PLEC: variants seen among roughly 807,000 people sequenced by gnomAD.
The protein encoded by PLEC is plectin, also known as hemidesmosomal protein 1.
Under a neutral mutation model 392.8 loss-of-function variants are expected in PLEC, and 216 were observed. The ratio of observed to expected loss-of-function variants is 0.55; its 90% CI spans 0.49 to 0.62. The LOEUF (loss-of-function observed/expected upper bound fraction) is 0.62. Among genes scored for constraint, PLEC ranks in the 20% least tolerant of loss-of-function variants. The pLI is 0.00. For missense variants in PLEC, 6,863 were observed against 6,563.4 expected, an observed-to-expected ratio of 1.05 and a Z score of -1.58; for synonymous variants, 3,621 against 2,980.6, an observed-to-expected ratio of 1.21 and a Z score of -7.00.
At chr8:143,930,921 TC>T (rs1273644640) in intron 19 of PLEC, among the ~76,000 whole-genome samples, 1 of 151,692 alleles carries the variant, frequency 6.6e-6, no homozygotes, top group Admixed American at 6.6e-5. Flanking sequence ...CTGCCGGCTC[TC>T]CCCCCGGCCC....
At chr8:143,942,275 G>T (rs913502542), upstream of PLEC, 2 of 1,221,334 alleles carry the variant, frequency 1.6e-6, no homozygotes, top group Non-Finnish European at 2.3e-6. Context: ...AGGCTGCACC[G>T]GGCCAAGGCG....
At chr8:143,944,995 A>G (rs1160227119) in intron 1 of PLEC, among the ~76,000 whole-genome samples, 1 of 145,966 alleles carries the variant, frequency 6.9e-6, no homozygotes, top group Non-Finnish European at 1.5e-5. Flanking sequence ...GGGGGTTCTA[A>G]TATAATAGAG....
chr8:143,917,923 G>C lies in PLEC; in HGVS notation c.11898C>G (p.Leu3966=). ...GIIRPGTAFE[L]LEAQAATGYV... is the part of the protein sequence containing the mutation. Reference sequence around the variant, plus strand: ...AACCGGTGGCCGCCTGCGCCTCCAGGAGCTCAAAGGCTGTGCCGGGGCGGA... The same window carrying C: ...AACCGGTGGCCGCCTGCGCCTCCAGCAGCTCAAAGGCTGTGCCGGGGCGGA... The change falls in exon 32 of 32, where the codon CTC becomes CTG. Residue 3966 remains leucine (L), a synonymous_variant. Transcript: ENST00000345136. 6.2e-7 allele frequency: 1 copy of C among 1,612,990 alleles called. No homozygotes were observed. The highest frequency in any genetic ancestry group is 8.5e-7 in the Non-Finnish European group (1 of 1,179,956).
chr8:143,933,500 C>T (rs936533142), intron 12 of PLEC, 149 bp from the exon 13 acceptor site: 4 of 943,184 alleles, frequency 4.2e-6, no homozygotes, highest in Non-Finnish European at 1.7e-6. Flanking sequence ...CCCTGCCCAC[C>T]TCACACATCT....
upstream of PLEC, among the ~76,000 whole-genome samples, chr8:143,952,874 T>C (rs1430228301): frequency 6.7e-6 from 1 of 148,474 alleles, no homozygotes; most frequent in Non-Finnish European, 1.5e-5. Context: ...GGGAGTCCCC[T>C]CCCTCCCACC....
At chr8:143,937,663 C>T (rs1346394140) in intron 3 of PLEC, 4 of 490,928 alleles carry the variant, frequency 8.1e-6, no homozygotes, top group South Asian at 1.5e-5. Flanking sequence ...AGGGGTTGGC[C>T]GACGGGCCAC....
upstream of PLEC, among the ~76,000 whole-genome samples, chr8:143,942,924 G>A (rs1453162870): frequency 6.6e-6 from 1 of 152,234 alleles, no homozygotes; most frequent in Non-Finnish European, 1.5e-5. Context: ...AGGGAGTAGA[G>A]GCATCCTGTG....
intron 3 of PLEC, among the ~76,000 whole-genome samples, 179 bp downstream of exon 3, chr8:143,937,972 A>C (rs1183540212): frequency 1.3e-5 from 2 of 152,150 alleles, no homozygotes; most frequent in Non-Finnish European, 2.9e-5. Flanking sequence ...TGTGATGCCC[A>C]GCAGCCTGGG....
chr8:143,960,670 TA>T (rs1268804061), intron 1 of PLEC, among the ~76,000 whole-genome samples: 1 of 152,010 alleles, frequency 6.6e-6, no homozygotes, highest in African/African-American at 2.4e-5. Context: ...CACTAAACTT[TA>T]AAAATCAAAA....
chr8:143,935,811 C>T (rs1828894735), intron 6 of PLEC, 37 bp downstream of exon 6: 1 of 1,607,906 alleles, frequency 6.2e-7, no homozygotes, highest in Admixed American at 1.7e-5. Context: ...GTGGGGGTGC[C>T]CCCAGCCCAC....
upstream of PLEC, chr8:143,943,935 A>G: frequency 6.3e-7 from 1 of 1,595,790 alleles, no homozygotes; most frequent in Non-Finnish European, 8.5e-7. Flanking sequence ...TGCGCTGGGA[A>G]CCGGCTGCTC....
intron 19 of PLEC, among the ~76,000 whole-genome samples, chr8:143,931,320 C>T (rs2131835412): frequency 9.2e-6 from 1 of 108,276 alleles, no homozygotes; most frequent in South Asian, 3.0e-4. Flanking sequence ...CTCCCAACTC[C>T]TGCTGGCCCC....
upstream of PLEC, among the ~76,000 whole-genome samples, chr8:143,974,397 C>G (rs969675523): frequency 6.6e-6 from 1 of 152,242 alleles, no homozygotes; most frequent in African/African-American, 2.4e-5. The surrounding 1 kb of genome is among the most constrained non-coding windows in gnomAD (Gnocchi z 5.9). Flanking sequence ...CTTTAAAGTC[C>G]GTGTGTGCTG....
chr8:143,966,322 G>A (rs1833088509), intron 1 of PLEC, among the ~76,000 whole-genome samples: 1 of 152,236 alleles, frequency 6.6e-6, no homozygotes, highest in Non-Finnish European at 1.5e-5. Context: ...GCCTGCCCTA[G>A]TGATGGCCTC....
At chr8:143,960,759 C>T (rs1554740632) in intron 1 of PLEC, among the ~76,000 whole-genome samples, 3 of 152,242 alleles carry the variant, frequency 2.0e-5, no homozygotes, top group Non-Finnish European at 4.4e-5. Flanking sequence ...TCCCTTCTCC[C>T]TGTCTCCCCC....
chr8:143,976,639 CG>C (rs1833674448), upstream of PLEC: 1 of 152,388 alleles, frequency 6.6e-6, no homozygotes, highest in South Asian at 2.1e-4. Flanking sequence ...GACCGCCCCC[CG>C]ACCCCCACCC....
At chr8:143,943,721 GAGGC>G (rs1830926654), upstream of PLEC, 27 of 1,504,714 alleles carry the variant, frequency 1.8e-5, no homozygotes, top group Non-Finnish European at 2.5e-5. Flanking sequence ...GAAGGGGCGG[GAGGC>G]AGGCGGCCCC....
intron 1 of PLEC, among the ~76,000 whole-genome samples, chr8:143,959,389 A>G (rs1832757073): frequency 6.6e-6 from 1 of 152,256 alleles, no homozygotes; most frequent in African/African-American, 2.4e-5. Context: ...GAATAAGATA[A>G]CTGACGATCG....
chr8:143,917,408 T>A lies in PLEC; in HGVS notation c.12413A>T (p.Lys4138Met). 4 of 1,612,688 alleles carry A rather than the reference T, an allele frequency of 2.5e-6. No homozygotes were observed. The highest frequency in any genetic ancestry group is 3.4e-6 in the Non-Finnish European group (4 of 1,179,994). ...RKTSSKSSVR[K>M]RRVVIVDPET... Reference sequence around the variant, plus strand: ...GGGGTCCACGATGACCACTCGGCGCTTGCGCACGGAGGACTTGGAGGACGT... The same window carrying A: ...GGGGTCCACGATGACCACTCGGCGCATGCGCACGGAGGACTTGGAGGACGT... The change falls in exon 32 of 32, where the codon AAG becomes ATG. Residue 4138 changes from lysine to methionine, a missense_variant. Physicochemically the swap from Lys to Met is moderately conservative, Grantham distance 95 (BLOSUM62 -1). Coordinates refer to ENST00000345136, the MANE Select transcript of PLEC (RefSeq NM_201384.3).
Sources: gnomAD v4.1 joint callset for allele counts (sites outside exome capture counted in the v4.1 genomes callset) on GRCh38, gnomAD v4.1.1 for gene constraint, Gnocchi (gnomAD v3.1) non-coding constraint, MANE v1.5 for transcripts, NCBI Gene and HGNC (gene_info 2026-07-23, HGNC 2026-07-21) for gene names.